The following LRP1B variants were observed in gnomAD, a reference collection of about 807,000 sequenced individuals.
LRP1B encodes LDL receptor related protein 1B, also known as low-density lipoprotein receptor-related protein 1B.
In LRP1B, 217 loss-of-function variants were observed where a neutral mutation model predicts 556.6. That is an observed-to-expected ratio of 0.39 (90% CI 0.35 to 0.44). The LOEUF (loss-of-function observed/expected upper bound fraction) is 0.44. Among genes scored for constraint, LRP1B ranks in the 20% least tolerant of loss-of-function variants. The pLI, the probability that LRP1B is intolerant of heterozygous loss-of-function variation, is 1.00. For synonymous variants in LRP1B, 2,047 were observed against 1,865.8 expected (o/e 1.10, Z -2.50); for missense variants, 5,053 against 5,620.8 (o/e 0.90, Z 3.23).
intron 43 of LRP1B, among the ~76,000 whole-genome samples, chr2:140,595,460 A>G (rs779119844): frequency 2.0e-5 from 3 of 152,082 alleles, no homozygotes; most frequent in Non-Finnish European, 4.4e-5. Flanking sequence ...TGAGAATTAA[A>G]ATATTGAGAA....
intron 52 of LRP1B, among the ~76,000 whole-genome samples, chr2:140,509,087 C>A (rs5025321): frequency 3.0e-4 from 30 of 98,364 alleles, no homozygotes; most frequent in East Asian, 2.3e-3. Flanking sequence ...CACACAAACA[C>A]ACACACACAC....
intron 86 of LRP1B, among the ~76,000 whole-genome samples, chr2:140,248,353 TATTTA>T (rs1296254125): frequency 6.6e-6 from 1 of 151,716 alleles, no homozygotes; most frequent in Non-Finnish European, 1.5e-5. Flanking sequence ...AGATAAGAGT[TATTTA>T]ATTAATAAAT....
intron 2 of LRP1B, among the ~76,000 whole-genome samples, chr2:141,717,089 T>C (rs906464469): frequency 5.9e-5 from 9 of 152,148 alleles, no homozygotes; most frequent in African/African-American, 2.2e-4. Context: ...GATTCCACTT[T>C]TATTTTTCTA....
chr2:141,101,579 T>C (rs1700462082), intron 7 of LRP1B, among the ~76,000 whole-genome samples: 2 of 152,178 alleles, frequency 1.3e-5, no homozygotes, highest in Non-Finnish European at 2.9e-5. Context: ...ATTTATATCT[T>C]ACTCAGGTGA....
intron 2 of LRP1B, among the ~76,000 whole-genome samples, chr2:141,591,457 GTGTT>G (rs971760314): frequency 2.0e-5 from 3 of 151,030 alleles, no homozygotes; most frequent in African/African-American, 7.3e-5. Context: ...AAGCTAATAT[GTGTT>G]TGTGTCCCCA....
intron 35 of LRP1B, among the ~76,000 whole-genome samples, chr2:140,721,292 A>AT (rs1319281252): frequency 1.3e-5 from 2 of 151,942 alleles, no homozygotes; most frequent in Admixed American, 1.3e-4. Flanking sequence ...AAAGCATATG[A>AT]TTTTTCCCAG....
In LRP1B at chr2:140,294,579, C is replaced by T. The variant is rs76168400; in HGVS notation, c.12967+3229G>A. 5.0e-3 allele frequency among the ~76,000 whole-genome samples: 763 copies of T among 152,212 alleles called. 4 individuals are homozygous for T. Among genetic ancestry groups the T allele is most frequent in the South Asian group, 0.017 (80 of 4,820 alleles). The stretch of plus-strand genomic sequence containing the variant: ...AAATGGTGTTTAAGCTGAGCAGAGT[C>T]ACAATGTCAGGGAAGCTGGCTCTAT... On this transcript the variant is annotated intron_variant, in intron 84 of 90. Transcript: ENST00000389484.
intron 2 of LRP1B, among the ~76,000 whole-genome samples, chr2:141,605,796 A>G (rs746074784): frequency 6.6e-6 from 1 of 152,226 alleles, no homozygotes; most frequent in Non-Finnish European, 1.5e-5. Flanking sequence ...ATCAAACAGT[A>G]TATATGGCCT....
chr2:140,681,155 G>A (rs1186798852), intron 41 of LRP1B, among the ~76,000 whole-genome samples: 1 of 152,170 alleles, frequency 6.6e-6, no homozygotes, highest in African/African-American at 2.4e-5. Context: ...ATGTGACTAT[G>A]TTTTGCTAGT....
chr2:140,298,430 TATAA>T (rs1396197557), intron 83 of LRP1B, among the ~76,000 whole-genome samples: 6 of 152,192 alleles, frequency 3.9e-5, no homozygotes, highest in African/African-American at 1.4e-4. Context: ...TTACACATGT[TATAA>T]ATAAATCTTG....
chr2:141,152,033 G>C (rs1174735521), intron 7 of LRP1B, among the ~76,000 whole-genome samples: 1 of 151,982 alleles, frequency 6.6e-6, no homozygotes, highest in African/African-American at 2.4e-5. Flanking sequence ...AATAAATGTT[G>C]ATCTGTCTGA....
intron 11 of LRP1B, among the ~76,000 whole-genome samples, chr2:141,028,192 T>TA (rs1698268626): frequency 6.6e-6 from 1 of 151,894 alleles, no homozygotes; most frequent in African/African-American, 2.4e-5. Flanking sequence ...GCATTACCTG[T>TA]AAAAATTAGT....
chr2:141,185,640 A>C (rs1406781459), intron 7 of LRP1B, among the ~76,000 whole-genome samples: 1 of 143,122 alleles, frequency 7.0e-6, no homozygotes, highest in African/African-American at 2.6e-5. Flanking sequence ...GTCCAGAGAA[A>C]GTTAGTAATC....
intron 3 of LRP1B, among the ~76,000 whole-genome samples, chr2:141,292,190 T>C (rs995489471): frequency 6.6e-6 from 1 of 152,132 alleles, no homozygotes; most frequent in African/African-American, 2.4e-5. Flanking sequence ...GAGAATCTAA[T>C]GCCTGATGAT....
chr2:141,102,026 T>C (rs1025015643), intron 7 of LRP1B, among the ~76,000 whole-genome samples: 1 of 152,152 alleles, frequency 6.6e-6, no homozygotes, highest in Non-Finnish European at 1.5e-5. Context: ...CTTATTTGGT[T>C]ATCCAGTATT....
intron 11 of LRP1B, among the ~76,000 whole-genome samples, chr2:141,048,749 G>C (rs145054621): frequency 6.2e-4 from 95 of 152,092 alleles, no homozygotes; most frequent in Admixed American, 2.9e-3. Flanking sequence ...TTTTAATTCC[G>C]ATAATATTTA....
At chr2:141,053,993 T>A (rs1310055323) in intron 10 of LRP1B, among the ~76,000 whole-genome samples, 1 of 151,964 alleles carries the variant, frequency 6.6e-6, no homozygotes, top group Non-Finnish European at 1.5e-5. Flanking sequence ...ACATGAGACC[T>A]GTTACCTTCA....
At chr2:141,489,738 TAAAAC>T (rs1683262281) in intron 2 of LRP1B, among the ~76,000 whole-genome samples, 1 of 152,112 alleles carries the variant, frequency 6.6e-6, no homozygotes, top group Admixed American at 6.6e-5. Flanking sequence ...GTGCATTAAA[TAAAAC>T]AAATTTATAG....
chr2:141,005,349 C>T lies in LRP1B; in HGVS notation c.2489G>A (p.Gly830Glu), dbSNP rs866996598. 6.2e-7 allele frequency: 1 copy of T among 1,609,672 alleles called. No homozygotes were observed. The highest frequency in any genetic ancestry group is 8.5e-7 in the Non-Finnish European group (1 of 1,177,264). ...AAAGAACTTACATGTGCAAGTTGTC[C>T]CATTTTCATCCAAAAGTTGATTATC... ...CADNQLLDEN[G>E]TTCTFNPGEA... The change falls in exon 15 of 91, where the codon GGG becomes GAG. Residue 830 changes from glycine to glutamate, a missense_variant. Transcript: ENST00000389484.
Sources: allele counts gnomAD v4.1 joint callset (sites outside exome capture counted in the v4.1 genomes callset), GRCh38; gene constraint gnomAD v4.1.1; transcripts MANE v1.5; gene names NCBI Gene and HGNC (gene_info 2026-07-23, HGNC 2026-07-21).